The following SART1 variants were observed in gnomAD, a reference collection of about 807,000 sequenced individuals.
The protein encoded by SART1 is U4/U6.U5 tri-snRNP-associated protein 1.
In SART1, 28 loss-of-function variants were observed where a neutral mutation model predicts 105.0. The observed-to-expected ratio is 0.27, with a 90% confidence interval of 0.20 to 0.37. SART1 has a LOEUF of 0.37. Among genes scored for constraint, SART1 ranks in the 10% least tolerant of loss-of-function variants. The pLI, the probability that SART1 is intolerant of heterozygous loss-of-function variation, is 1.00. For synonymous variants in SART1, 472 were observed against 462.9 expected (o/e 1.02, Z -0.25); for missense variants, 894 against 1,106.5 (o/e 0.81, Z 2.72).
rs766962974 is a variant in SART1, at chr11:65,965,391, G to T, written c.604G>T (p.Ala202Ser). ...TGACCCCTGGCTGGACGACACTGCA[G>T]CCTGGATCGAGAGGAGCCGGCAGCT... ...EDDPWLDDTA[A>S]WIERSRQLQK... Residue 202 changes from alanine to serine, a missense_variant, in exon 5 of 20, where the codon GCC becomes TCC. Ala to Ser is a moderately conservative substitution (Grantham distance 99, BLOSUM62 1). This residue lies in a region of SART1 where 712 missense variants were observed against 778.2 expected (regional missense o/e 0.91). Coordinates refer to ENST00000312397, the MANE Select transcript of SART1 (RefSeq NM_005146.5). 1 of 1,581,622 alleles carries T rather than the reference G, an allele frequency of 6.3e-7. No homozygotes were observed. The highest frequency in any genetic ancestry group is 2.3e-5 in the East Asian group (1 of 42,946).
intron 1 of SART1, among the ~76,000 whole-genome samples, chr11:65,963,613 C>G (rs1855189750): frequency 6.6e-6 from 1 of 152,108 alleles, no homozygotes; most frequent in African/African-American, 2.4e-5. Flanking sequence ...TCCCGAGTAT[C>G]TGGGATTACA....
intron 12 of SART1, among the ~76,000 whole-genome samples, chr11:65,972,586 T>C (rs72928831): frequency 0.073 from 11,038 of 151,996 alleles, 767 homozygotes; most frequent in African/African-American, 0.18. Context: ...CCACCCCCCC[T>C]ACCAACCCCA....
At chr11:65,968,009 G>C (rs1855297571) in intron 12 of SART1, among the ~76,000 whole-genome samples, 188 bp downstream of exon 12, 1 of 149,834 alleles carries the variant, frequency 6.7e-6, no homozygotes, top group Admixed American at 6.7e-5. Flanking sequence ...GAATGCAGTG[G>C]CGCAGCCTCA....
chr11:65,962,126 C>CTGGGGAGGGGGGGGGGTG, intron 1 of SART1, 33 bp downstream of exon 1: 1 of 25,830 alleles, frequency 3.9e-5, no homozygotes, highest in Non-Finnish European at 6.4e-5. Flanking sequence ...GGGGGCGGGT[C>CTGGGGAGGGGGGGGGGTG]GGGCGGGGGT....
In SART1 at chr11:65,967,474, G is replaced by T. The variant is rs1304387235; in HGVS notation, c.1317G>T (p.Leu439=). ...QTQDGDFGSR[L]RGRGRRRVSE... ...CAGAGAGGCCTCCTTCCCTCAGACTGCGGGGACGGGGTCGCCGCCGAGTGT... is the reference window on the plus strand; with the variant it reads ...CAGAGAGGCCTCCTTCCCTCAGACTTCGGGGACGGGGTCGCCGCCGAGTGT... The change falls in exon 11 of 20, where the codon CTG becomes CTT. Residue 439 remains leucine (L), a synonymous_variant. Transcript: ENST00000312397. 4 of 1,613,468 alleles carry T rather than the reference G, an allele frequency of 2.5e-6. No individual in the cohort carries two copies. Among genetic ancestry groups the T allele is most frequent in the Non-Finnish European group, 3.4e-6 (4 of 1,179,902 alleles).
At position 65,964,128 on chromosome 11, in the gene SART1, C is replaced by G; in HGVS notation, c.368C>G (p.Thr123Ser). The G allele has an allele frequency of 6.2e-7, 1 of 1,612,976 alleles. No homozygotes were observed. Among genetic ancestry groups the G allele is most frequent in the Non-Finnish European group, 8.5e-7 (1 of 1,179,852 alleles). Residue 123 changes from threonine to serine, a missense_variant, in exon 2 of 20, where the codon ACT becomes AGT. Coordinates refer to ENST00000312397, the MANE Select transcript of SART1 (RefSeq NM_005146.5). ...GCCTCCTCACTCAGCATCGAGGAGA[C>G]TAAGTGAGTACTGTCTCCCTTGTTT... ...GDASSLSIEE[T>S]NKLRAKLGLK...
At chr11:65,977,236 A>G (rs958564133) in intron 15 of SART1, 135 bp downstream of exon 15, 8 of 662,592 alleles carry the variant, frequency 1.2e-5, no homozygotes, top group Middle Eastern at 4.0e-4. Flanking sequence ...GCCCAGAGCC[A>G]CTCCTTCCCC....
intron 12 of SART1, among the ~76,000 whole-genome samples, chr11:65,974,422 T>C (rs1855443055): frequency 6.9e-6 from 1 of 145,444 alleles, no homozygotes; most frequent in Non-Finnish European, 1.5e-5. Context: ...GGTTCACACC[T>C]ATAGTCCCAG....
intron 4 of SART1, 25 bp from the exon 5 acceptor site, chr11:65,965,317 G>C: frequency 6.3e-7 from 1 of 1,596,106 alleles, no homozygotes; most frequent in Non-Finnish European, 8.5e-7. Flanking sequence ...TGGGCTCCTT[G>C]AGCATCACTT....
Position 65,961,787 on chromosome 11 carries a change from T to G in SART1, c.7T>G (p.Ser3Ala). Reference sequence around the variant, plus strand: ...TCGGAGTGGACGTGCCACTATGGGGTCGTCCAAGAAGCATCGCGGAGAGAA... The same window carrying G: ...TCGGAGTGGACGTGCCACTATGGGGGCGTCCAAGAAGCATCGCGGAGAGAA... MG[S>A]SKKHRGEKEA... Residue 3 changes from serine (S) to alanine (A), a missense_variant, in exon 1 of 20, where the codon TCG (serine) becomes GCG (alanine). By Grantham distance (99) the Ser-to-Ala change is moderately conservative (BLOSUM62 1). This residue lies in a region of SART1 where 712 missense variants were observed against 778.2 expected (regional missense o/e 0.91). Coordinates refer to ENST00000312397, the MANE Select transcript of SART1 (RefSeq NM_005146.5). 6.5e-7 allele frequency: 1 copy of G among 1,531,326 alleles called. No homozygotes were observed. The highest frequency in any genetic ancestry group is 8.7e-7 in the Non-Finnish European group (1 of 1,146,828). 94.9% of individuals were successfully genotyped at this position (1,531,326 alleles called of 1,614,324 possible). A position where few individuals can be genotyped will look rare whatever the true frequency, so the allele number is the denominator to read the frequency against.
In SART1 at chr11:65,961,873, G is replaced by A; in HGVS notation, c.93G>A (p.Arg31=). 6.4e-7 allele frequency: 1 copy of A among 1,572,456 alleles called. No individual in the cohort carries two copies. Among genetic ancestry groups the A allele is most frequent in the East Asian group, 2.4e-5 (1 of 41,062 alleles). Reference sequence around the variant, plus strand: ...GGGGTGCCACCGAGCAGCCGCCGCGGCACCGGGAACACAAAAAACACAAGC... The same window carrying A: ...GGGGTGCCACCGAGCAGCCGCCGCGACACCGGGAACACAAAAAACACAAGC... ...GTGGATEQPP[R]HREHKKHKHR... is the part of the protein sequence containing the mutation. Residue 31 remains arginine (R), a synonymous_variant, in exon 1 of 20, where the codon CGG becomes CGA. Transcript: ENST00000312397.
In SART1 at chr11:65,966,376, G is replaced by A. The variant is rs779067290; in HGVS notation, c.1008G>A (p.Lys336=). Residue 336 remains lysine, a synonymous_variant, in exon 9 of 20, where the codon AAG becomes AAA. Transcript: ENST00000312397. The part of the protein sequence containing the change: ...AQQKPRSILS[K]YDEELEGERP... ...AAAAACCTCGCTCTATCCTGTCCAA[G>A]TATGACGAAGAGCTTGAAGGGGAGC... The A allele has an allele frequency of 3.7e-6, 6 of 1,614,032 alleles. No homozygotes were observed. Among genetic ancestry groups the A allele is most frequent in the Non-Finnish European group, 5.1e-6 (6 of 1,180,030 alleles).
intron 12 of SART1, among the ~76,000 whole-genome samples, chr11:65,975,551 C>T (rs1313690755): frequency 6.6e-6 from 1 of 150,844 alleles, no homozygotes; most frequent in South Asian, 2.1e-4. Flanking sequence ...GGACTATGGG[C>T]GTGTGTGACC....
intron 12 of SART1, among the ~76,000 whole-genome samples, chr11:65,969,924 G>A (rs1280422288): frequency 1.3e-5 from 2 of 151,942 alleles, no homozygotes. Flanking sequence ...GGGTTTCACC[G>A]TGTTGGTCAG....
Position 65,966,215 on chromosome 11 carries a change from G to C in SART1, c.978G>C (p.Ala326=). Residue 326 remains alanine (A), a synonymous_variant, in exon 8 of 20, where the codon GCG becomes GCC. Coordinates refer to ENST00000312397, the MANE Select transcript of SART1 (RefSeq NM_005146.5). ...AGGACGAGAGCGTGGACGACCTGGC[G>C]CAGGCACGGCCTGGGCAGGCTGGGT... ...YAEDESVDDL[A]QQKPRSILSK... 6.2e-7 allele frequency: 1 copy of C among 1,613,996 alleles called. No individual in the cohort carries two copies. Among genetic ancestry groups the C allele is most frequent in the South Asian group, 1.1e-5 (1 of 91,082 alleles).
chr11:65,977,594 C>G lies in SART1; in HGVS notation c.1977C>G (p.Ala659=). The G allele has an allele frequency of 6.2e-7, 1 of 1,613,934 alleles. No homozygotes were observed. Among genetic ancestry groups the G allele is most frequent in the Non-Finnish European group, 8.5e-7 (1 of 1,179,972 alleles). The change falls in exon 16 of 20, where the codon GCC becomes GCG. Residue 659 remains alanine (A), a synonymous_variant. Coordinates refer to ENST00000312397, the MANE Select transcript of SART1 (RefSeq NM_005146.5). The part of the protein sequence containing the change: ...GLLETTVQKV[A]RVKAPNKSLP... ...TGGAGACCACAGTGCAGAAGGTGGC[C>G]CGGGTGAAGGCCCCCAACAAGTCGC...
chr11:65,978,580 C>T lies in SART1; in HGVS notation c.2173-20C>T, dbSNP rs897138745. 5 of 1,552,096 alleles carry T rather than the reference C, an allele frequency of 3.2e-6. No homozygotes were observed. The highest frequency in any genetic ancestry group is 3.9e-5 in the Admixed American group (2 of 51,102). ...CCCCACCCAGGGCCCTGCATCTCCT[C>T]TCATGCCCCGCGTCCCCAGGCTTTC... On this transcript the variant is annotated intron_variant, in intron 17 of 19. Coordinates refer to ENST00000312397, the MANE Select transcript of SART1 (RefSeq NM_005146.5). The surrounding 1 kb of genome is among the most constrained non-coding windows in gnomAD (Gnocchi z 6.8).
rs1244819209 is a variant in SART1, at chr11:65,980,088, A to G, written c.*1058A>G. Among the ~76,000 whole-genome samples the G allele has an allele frequency of 6.6e-6, 1 of 152,176 alleles. No homozygotes were observed. The highest frequency in any genetic ancestry group is 1.9e-4 in the East Asian group (1 of 5,194). On this transcript the variant is annotated 3_prime_UTR_variant, in exon 20 of 20. Coordinates refer to ENST00000312397, the MANE Select transcript of SART1 (RefSeq NM_005146.5). Reference sequence around the variant, plus strand: ...TGATTGAGCCACCACACTGCAGCCTAGGTGACAGTCAGACCCTGTCTCAAA... The same window carrying G: ...TGATTGAGCCACCACACTGCAGCCTGGGTGACAGTCAGACCCTGTCTCAAA...
Position 65,979,078 on chromosome 11 carries a change from GCTCC to G in SART1, c.*53_*56del. On this transcript the variant is annotated 3_prime_UTR_variant, in exon 20 of 20. Transcript: ENST00000312397. ...TGCCTCAACCTTCATATTAAATAAA[GCTCC>G]CTCCTTATTTTTTCCTCCCTGGTCG... is the stretch of plus-strand genomic sequence containing the variant. The G allele has an allele frequency of 6.2e-7, 1 of 1,612,756 alleles. No individual in the cohort carries two copies. Among genetic ancestry groups the G allele is most frequent in the South Asian group, 1.1e-5 (1 of 91,002 alleles).
Sources: allele counts gnomAD v4.1 joint callset (sites outside exome capture counted in the v4.1 genomes callset), GRCh38; gene constraint gnomAD v4.1.1; regional missense constraint gnomAD v4.1.1; non-coding constraint Gnocchi (gnomAD v3.1); transcripts MANE v1.5; gene names NCBI Gene and HGNC (gene_info 2026-07-23, HGNC 2026-07-21).